Variants in ARHGAP32 observed in about 807,000 individuals in gnomAD.
ARHGAP32 encodes the protein rho GTPase-activating protein 32.
ARHGAP32 carries 51 observed loss-of-function variants against 186.5 expected under a neutral mutation model. The observed-to-expected ratio is 0.27, with a 90% CI of 0.22 to 0.35. The LOEUF is 0.35. Among genes scored for constraint, ARHGAP32 ranks in the 10% least tolerant of loss-of-function variants. The pLI is 1.00. For missense variants in ARHGAP32, 2,186 were observed against 2,623.5 expected (o/e 0.83, Z 3.64); for synonymous variants, 950 against 964.3 (o/e 0.99, Z 0.27).
At chr11:129,044,844 T>G (rs922643976) in intron 10 of ARHGAP32, among the ~76,000 whole-genome samples, 1 of 151,906 alleles carries the variant, frequency 6.6e-6, no homozygotes, top group Non-Finnish European at 1.5e-5. Flanking sequence ...AAAGAGTTTA[T>G]GTGAAAGTAA....
chr11:128,993,055 A>G (rs1255406250), intron 12 of ARHGAP32, among the ~76,000 whole-genome samples: 1 of 152,212 alleles, frequency 6.6e-6, no homozygotes, highest in Non-Finnish European at 1.5e-5. Flanking sequence ...TCAGGCTCCT[A>G]TGTGATTTCT....
chr11:129,025,586 C>A (rs892581060), intron 11 of ARHGAP32, among the ~76,000 whole-genome samples: 27 of 151,862 alleles, frequency 1.8e-4, no homozygotes, highest in Admixed American at 1.5e-3. Flanking sequence ...TGAATAACAT[C>A]TCTCCCTCCC....
At chr11:129,194,168 C>T (rs1482494690), upstream of ARHGAP32, among the ~76,000 whole-genome samples, 1 of 152,086 alleles carries the variant, frequency 6.6e-6, no homozygotes. Flanking sequence ...CTGGTACAAC[C>T]TGTGTTCAGG....
intron 12 of ARHGAP32, among the ~76,000 whole-genome samples, chr11:128,994,861 T>C (rs1414745347): frequency 1.3e-5 from 2 of 152,202 alleles, no homozygotes; most frequent in African/African-American, 4.8e-5. Context: ...ATTATTTTAA[T>C]ATGCCAAGTA....
chr11:129,101,802 A>T (rs1020639371), intron 5 of ARHGAP32, among the ~76,000 whole-genome samples: 4 of 152,244 alleles, frequency 2.6e-5, no homozygotes, highest in African/African-American at 9.6e-5. Context: ...ATCCATGAGA[A>T]CTTCCCCAAC....
At position 129,015,509 on chromosome 11, in the gene ARHGAP32, G is replaced by A. The variant is rs544309337; in HGVS notation, c.1046-17041C>T. On this transcript the variant is annotated intron_variant, in intron 11 of 22. Transcript: ENST00000682385. ...AGATTATTTTCCCTTAAGTATAAAA[G>A]ATAGAGCTGAAGCCACTGTTTCCGC... Among the ~76,000 whole-genome samples, 134 of 152,198 alleles carry A rather than the reference G, an allele frequency of 8.8e-4. 2 individuals carry two copies. The highest frequency in any genetic ancestry group is 2.2e-3 in the Admixed American group (33 of 15,282).
intron 10 of ARHGAP32, among the ~76,000 whole-genome samples, chr11:129,060,904 T>C (rs1035362962): frequency 3.9e-5 from 6 of 152,104 alleles, no homozygotes; most frequent in African/African-American, 1.4e-4. Flanking sequence ...AGGTAAACAA[T>C]AGTCCCATAA....
chr11:128,971,289 A>G, intron 22 of ARHGAP32, 130 bp from the exon 23 acceptor site: 1 of 708,402 alleles, frequency 1.4e-6, no homozygotes, highest in South Asian at 2.0e-5. Context: ...ATGTGGTTGC[A>G]ATGAATCTGT....
chr11:129,074,702 C>G (rs1940981493), intron 6 of ARHGAP32, among the ~76,000 whole-genome samples: 1 of 152,078 alleles, frequency 6.6e-6, no homozygotes, highest in African/African-American at 2.4e-5. Context: ...CCATGTTAGC[C>G]AGGATGGTCT....
At chr11:129,110,429 T>C (rs549088068) in intron 5 of ARHGAP32, among the ~76,000 whole-genome samples, 1 of 152,320 alleles carries the variant, frequency 6.6e-6, no homozygotes, top group South Asian at 2.1e-4. Flanking sequence ...TCAGGTTCTG[T>C]TTTGGTTCCA....
chr11:129,133,118 G>A (rs915416846), intron 2 of ARHGAP32, among the ~76,000 whole-genome samples: 5 of 152,122 alleles, frequency 3.3e-5, no homozygotes, highest in Middle Eastern at 3.2e-3. Flanking sequence ...GTTTAGAGCC[G>A]GTGGAAGAGT....
intron 2 of ARHGAP32, among the ~76,000 whole-genome samples, chr11:129,147,490 G>A (rs569125382): frequency 1.8e-4 from 27 of 152,236 alleles, no homozygotes; most frequent in Non-Finnish European, 3.1e-4. Context: ...CTGGAATGCT[G>A]GCACCTCTGA....
At chr11:129,254,827 T>G (rs1465897870) in intron 1 of ARHGAP32, among the ~76,000 whole-genome samples, 1 of 152,130 alleles carries the variant, frequency 6.6e-6, no homozygotes, top group African/African-American at 2.4e-5. Flanking sequence ...AACACTGCAG[T>G]GATTTATGCT....
rs142587685 is a variant in ARHGAP32 at position 129,116,015 on chromosome 11, T to C, written c.444+7431A>G. On this transcript the variant is annotated intron_variant, in intron 5 of 22. Transcript: ENST00000682385. ...TATCTCTGGTTGTCACCATATCACT[T>C]TATGGAGAACCAGGGCCTAGGGAAC... Among the ~76,000 whole-genome samples, 285 of 152,134 alleles carry C rather than the reference T, an allele frequency of 1.9e-3. 4 individuals carry two copies. Among genetic ancestry groups the C allele is most frequent in the African/African-American group, 6.6e-3 (273 of 41,542 alleles).
intron 2 of ARHGAP32, among the ~76,000 whole-genome samples, chr11:129,157,081 A>C (rs1379404132): frequency 6.6e-6 from 1 of 152,192 alleles, no homozygotes; most frequent in Non-Finnish European, 1.5e-5. Flanking sequence ...AAAGTTACCA[A>C]CATCAAACAC....
At chr11:129,218,694 G>A (rs561221332) in intron 1 of ARHGAP32, among the ~76,000 whole-genome samples, 55 of 152,188 alleles carry the variant, frequency 3.6e-4, no homozygotes, top group Non-Finnish European at 6.2e-4. Flanking sequence ...AAATGAAAGC[G>A]TCTGACGCAC....
At chr11:128,991,124 A>T (rs958410208) in intron 12 of ARHGAP32, among the ~76,000 whole-genome samples, 7 of 152,194 alleles carry the variant, frequency 4.6e-5, no homozygotes, top group African/African-American at 1.7e-4. Context: ...TATTAGATTC[A>T]TATCTGTTTA....
At chr11:129,147,139 T>C (rs549446394) in intron 2 of ARHGAP32, among the ~76,000 whole-genome samples, 23 of 152,162 alleles carry the variant, frequency 1.5e-4, no homozygotes, top group African/African-American at 5.5e-4. Flanking sequence ...TTTTTTTAAA[T>C]AGAAGAAAGA....
chr11:129,111,009 T>C (rs1314298166), intron 5 of ARHGAP32, among the ~76,000 whole-genome samples: 1 of 152,220 alleles, frequency 6.6e-6, no homozygotes, highest in Admixed American at 6.5e-5. Context: ...GTTTCAGTTC[T>C]TAGAGGAAAG....
Sources: allele counts gnomAD v4.1 joint callset (sites outside exome capture counted in the v4.1 genomes callset), GRCh38; gene constraint gnomAD v4.1.1; transcripts MANE v1.5; gene names NCBI Gene and HGNC (gene_info 2026-07-23, HGNC 2026-07-21).